RAD52: variants seen among roughly 807,000 people sequenced by gnomAD.
RAD52 encodes the protein RAD52 DNA repair protein, also known as DNA repair protein RAD52 homolog.
In RAD52, 47 loss-of-function variants were observed where a neutral mutation model predicts 55.5. The ratio of observed to expected loss-of-function variants is 0.85; its 90% CI spans 0.67 to 1.08. RAD52 has a LOEUF of 1.08. Ranked by LOEUF, RAD52 falls within the 50% of genes least tolerant of loss-of-function variation. RAD52 has a pLI of 0.00. For synonymous variants in RAD52, 184 were observed against 198.9 expected, an observed-to-expected ratio of 0.92 and a Z score of 0.63; for missense variants, 468 against 522.8, an observed-to-expected ratio of 0.90 and a Z score of 1.02.
Position 916,358 on chromosome 12 carries a change from G to C in RAD52, c.851C>G (p.Ala284Gly). The C allele has an allele frequency of 6.2e-7, 1 of 1,606,680 alleles. No individual in the cohort carries two copies. Among genetic ancestry groups the C allele is most frequent in the Non-Finnish European group, 8.5e-7 (1 of 1,179,942 alleles). The change falls in exon 9 of 12, where the codon GCT becomes GGT. Residue 284 changes from alanine (A) to glycine (G), a missense_variant. By Grantham distance (60) the Ala-to-Gly change is moderately conservative. Transcript: ENST00000358495. ...KQQVRVSTPS[A>G]EKSEAAPPAP... ...CCCTCGCTCACCCTCACTCTTCTCA[G>C]CTGACGGCGTGGAGACTCGAACCTG...
chr12:933,766 A>C (rs916723926), intron 1 of RAD52, among the ~76,000 whole-genome samples: 2 of 152,180 alleles, frequency 1.3e-5, no homozygotes, highest in African/African-American at 4.8e-5. Flanking sequence ...CCAAAAATCC[A>C]AAATTCAAAA....
In RAD52 at chr12:930,104, T is replaced by C; in HGVS notation, c.227A>G (p.Asn76Ser). The part of the protein sequence containing the change: ...IEGHRVINLA[N>S]EMFGYNGWAH... Reference sequence around the variant, plus strand: ...CCAGCCATTGTAACCAAACATCTCATTGGCCAGATTAATTACCCGATGACC... The same window carrying C: ...CCAGCCATTGTAACCAAACATCTCACTGGCCAGATTAATTACCCGATGACC... Residue 76 changes from asparagine (N) to serine (S), a missense_variant, in exon 4 of 12, where the codon AAT becomes AGT. Asn to Ser is a conservative substitution (Grantham distance 46). Transcript: ENST00000358495. 6.2e-7 allele frequency: 1 copy of C among 1,614,066 alleles called. No individual in the cohort carries two copies. The highest frequency in any genetic ancestry group is 8.5e-7 in the Non-Finnish European group (1 of 1,179,966).
Position 914,060 on chromosome 12 carries a change from G to C in RAD52, c.1029C>G (p.Val343=), listed in dbSNP as rs769982264. The C allele has an allele frequency of 6.2e-7, 1 of 1,614,128 alleles. No individual in the cohort carries two copies. The highest frequency in any genetic ancestry group is 8.5e-7 in the Non-Finnish European group (1 of 1,180,034). Residue 343 remains valine (V), a synonymous_variant, in exon 11 of 12, where the codon GTC becomes GTG. Transcript: ENST00000358495. ...CTGGGTCTGCTCTAGACGAGGGCTTGACCACACCATCCCCTGCATCGGGAG... is the reference window on the plus strand; with the variant it reads ...CTGGGTCTGCTCTAGACGAGGGCTTCACCACACCATCCCCTGCATCGGGAG... ...AVTPDAGDGV[V]KPSSRADPAQ... is the part of the protein sequence containing the mutation.
chr12:969,893 C>T (rs991430364), intron 1 of RAD52, among the ~76,000 whole-genome samples: 1 of 151,904 alleles, frequency 6.6e-6, no homozygotes, highest in African/African-American at 2.4e-5. Flanking sequence ...GTTTATCAGA[C>T]AGCATTCCAT....
intron 1 of RAD52, among the ~76,000 whole-genome samples, chr12:935,186 G>T (rs1957548053): frequency 1.3e-5 from 2 of 150,610 alleles, no homozygotes; most frequent in Admixed American, 6.6e-5. Flanking sequence ...CATGACCCTG[G>T]ACACTGTGGG....
intron 1 of RAD52, among the ~76,000 whole-genome samples, chr12:970,951 A>G (rs1022548031): frequency 6.6e-6 from 1 of 152,194 alleles, no homozygotes; most frequent in East Asian, 1.9e-4. Flanking sequence ...TCGATACTTG[A>G]TTGTGTTATA....
chr12:990,952 A>AGTGTGTGTGTGTGTGAGT (rs138094397), upstream of RAD52: 1 of 150,032 alleles, frequency 6.7e-6, no homozygotes, highest in African/African-American at 2.5e-5. Flanking sequence ...TGTGTGTGTG[A>AGTGTGTGTGTGTGTGAGT]GTGTGTGTGT....
chr12:976,901 C>T (rs1001569563), intron 1 of RAD52: 1 of 152,170 alleles, frequency 6.6e-6, no homozygotes, highest in Non-Finnish European at 1.5e-5. Flanking sequence ...GACATGTCTA[C>T]TCGCAGATTG....
chr12:939,940 T>C (rs1038721884), intron 1 of RAD52, among the ~76,000 whole-genome samples: 5 of 152,102 alleles, frequency 3.3e-5, no homozygotes, highest in African/African-American at 1.2e-4. Context: ...GTGGGCGTGG[T>C]TGTGTGCGCC....
chr12:912,857 A>AT lies in RAD52; in HGVS notation c.*533dup, dbSNP rs1222538858. The AT allele has an allele frequency of 1.0e-5, 2 of 193,672 alleles. No individual in the cohort carries two copies. Among genetic ancestry groups the AT allele is most frequent in the African/African-American group, 4.6e-5 (2 of 43,134 alleles). The allele number at this position is 193,672 out of a possible 1,614,324, so 12.0% of individuals were successfully genotyped here. A position where few individuals can be genotyped will look rare whatever the true frequency, so the allele number is the denominator to read the frequency against. On this transcript the variant is annotated 3_prime_UTR_variant, in exon 12 of 12. Transcript: ENST00000358495. Reference sequence around the variant, plus strand: ...TGTCATAAATCCATAAATTATTTATATTAAATGAAGATTGTAGCCTGGATT... The same window carrying AT: ...TGTCATAAATCCATAAATTATTTATATTTAAATGAAGATTGTAGCCTGGATT...
chr12:968,163 T>G (rs1958796001), intron 1 of RAD52, among the ~76,000 whole-genome samples: 1 of 152,150 alleles, frequency 6.6e-6, no homozygotes, highest in African/African-American at 2.4e-5. Context: ...CAAAAATTGA[T>G]AGTATTAAGT....
At chr12:968,916 C>A (rs562874642) in intron 1 of RAD52, among the ~76,000 whole-genome samples, 2 of 152,064 alleles carry the variant, frequency 1.3e-5, no homozygotes, top group Non-Finnish European at 2.9e-5. Context: ...TATACACACA[C>A]ACACACAGAG....
At chr12:965,229 C>T (rs538032487) in intron 1 of RAD52, among the ~76,000 whole-genome samples, 12 of 152,004 alleles carry the variant, frequency 7.9e-5, no homozygotes, top group East Asian at 3.9e-4. Context: ...CCGCCCACCT[C>T]GACTCCCAAA....
intron 3 of RAD52, 48 bp downstream of exon 3, chr12:931,172 G>A (rs1297097220): frequency 6.8e-7 from 1 of 1,466,730 alleles, no homozygotes; most frequent in Admixed American, 1.7e-5. Context: ...AAGACCATCG[G>A]AGTCTGCGGT....
chr12:961,019 G>C (rs1410557029), intron 1 of RAD52, among the ~76,000 whole-genome samples: 2 of 151,820 alleles, frequency 1.3e-5, no homozygotes, highest in Non-Finnish European at 2.9e-5. Flanking sequence ...AATAAGCAAA[G>C]AAAATTGAAA....
rs139949865 is a variant in RAD52, at chr12:935,251, A to G, written c.-18-2175T>C. Among the ~76,000 whole-genome samples the G allele has an allele frequency of 3.9e-5, 6 of 152,244 alleles. No individual in the cohort carries two copies. In the East Asian group the frequency reaches 1.2e-3, roughly 29 times the overall value. On this transcript the variant is annotated intron_variant, in intron 1 of 11. Transcript: ENST00000358495. Reference sequence around the variant, plus strand: ...GAAATGCTTTCCAGGAGCTAACAAGATAGCTGGAGGGAGGAGACTTAATAG... The same window carrying G: ...GAAATGCTTTCCAGGAGCTAACAAGGTAGCTGGAGGGAGGAGACTTAATAG...
At chr12:932,948 T>C in intron 2 of RAD52, 27 bp downstream of exon 2, 1 of 1,611,654 alleles carries the variant, frequency 6.2e-7, no homozygotes, top group Non-Finnish European at 8.5e-7. Context: ...ACCTCATTCT[T>C]TCCCGGCATG....
At chr12:931,434 T>C (rs919359538) in intron 2 of RAD52, 113 bp from the exon 3 acceptor site, 2 of 716,924 alleles carry the variant, frequency 2.8e-6, no homozygotes, top group Non-Finnish European at 4.4e-6. Context: ...AGAACCTTTG[T>C]TTATGTGGGT....
At chr12:914,672 G>T in intron 9 of RAD52, 140 bp from the exon 10 acceptor site, 1 of 987,118 alleles carries the variant, frequency 1.0e-6, no homozygotes, top group Non-Finnish European at 1.5e-6. Flanking sequence ...GCTTCTGCCA[G>T]TAAAAAGAAC....
Sources: allele counts gnomAD v4.1 joint callset (sites outside exome capture counted in the v4.1 genomes callset), GRCh38; gene constraint gnomAD v4.1.1; transcripts MANE v1.5; gene names NCBI Gene and HGNC (gene_info 2026-07-23, HGNC 2026-07-21).